Variants in FSTL1 observed in about 807,000 individuals in gnomAD.
The protein encoded by FSTL1 is follistatin like 1.
In FSTL1, 24 loss-of-function variants were observed where a neutral mutation model predicts 45.9. That is an observed-to-expected ratio of 0.52 (90% CI 0.38 to 0.74). The LOEUF is 0.74. FSTL1 is among the 30% of genes least tolerant of loss of function. FSTL1 has a pLI of 0.00. For synonymous variants in FSTL1, 120 were observed against 137.6 expected (o/e 0.87, Z 0.89); for missense variants, 340 against 381.8 (o/e 0.89, Z 0.91).
intron 2 of FSTL1, among the ~76,000 whole-genome samples, chr3:120,446,948 C>T (rs1257899955): frequency 6.6e-6 from 1 of 152,182 alleles, no homozygotes; most frequent in East Asian, 1.9e-4. Flanking sequence ...AACTACAAAT[C>T]AGTTAACTGT....
At chr3:120,448,360 A>G (rs1937805480) in intron 2 of FSTL1, among the ~76,000 whole-genome samples, 1 of 152,234 alleles carries the variant, frequency 6.6e-6, no homozygotes. Flanking sequence ...AGCAAGCACC[A>G]TTAACTACAA....
chr3:120,427,188 G>A (rs1001660394), intron 2 of FSTL1, among the ~76,000 whole-genome samples: 1 of 152,166 alleles, frequency 6.6e-6, no homozygotes, highest in Non-Finnish European at 1.5e-5. Flanking sequence ...GTCCTTCAAG[G>A]CTTGGGTCAA....
At chr3:120,399,703 CT>C (rs1221560249) in intron 10 of FSTL1, among the ~76,000 whole-genome samples, 179 bp downstream of exon 10, 42 of 152,302 alleles carry the variant, frequency 2.8e-4, no homozygotes, top group African/African-American at 9.9e-4. Flanking sequence ...CCTGTGAGGA[CT>C]TTATCAGGGA....
intron 2 of FSTL1, among the ~76,000 whole-genome samples, chr3:120,429,799 C>G (rs886515416): frequency 6.6e-6 from 1 of 152,200 alleles, no homozygotes; most frequent in Non-Finnish European, 1.5e-5. Flanking sequence ...ATCTTTGCTT[C>G]TAAGTCTTGA....
chr3:120,442,309 A>G (rs896126455), intron 2 of FSTL1, among the ~76,000 whole-genome samples: 1 of 152,194 alleles, frequency 6.6e-6, no homozygotes, highest in Non-Finnish European at 1.5e-5. Context: ...CCAGAATTCA[A>G]ACTCAGTCCA....
intron 7 of FSTL1, among the ~76,000 whole-genome samples, chr3:120,404,056 A>G (rs1936899104): frequency 6.6e-6 from 1 of 151,988 alleles, no homozygotes; most frequent in Non-Finnish European, 1.5e-5. Flanking sequence ...CCCTGGCTCA[A>G]TCACTTACTA....
In FSTL1 at chr3:120,399,867, G is replaced by A. The variant is rs542815805; in HGVS notation, c.882+16C>T. 6 of 1,567,262 alleles carry A rather than the reference G, an allele frequency of 3.8e-6. No individual in the cohort carries two copies. Among genetic ancestry groups the A allele is most frequent in the South Asian group, 3.4e-5 (3 of 87,128 alleles). On this transcript the variant is annotated intron_variant, in intron 10 of 10. Coordinates refer to ENST00000295633, the MANE Select transcript of FSTL1 (RefSeq NM_007085.5). ...GCAACAGCAACACCTGAACCAGCAC[G>A]GAGGCTGCCACTCACCTGATGCTTT...
chr3:120,447,539 G>T (rs773993421), intron 2 of FSTL1, among the ~76,000 whole-genome samples: 4 of 152,226 alleles, frequency 2.6e-5, no homozygotes, highest in African/African-American at 4.8e-5. Flanking sequence ...AGTAGTAAGA[G>T]AGTGAGCAGG....
chr3:120,444,798 A>G (rs1360088831), intron 2 of FSTL1, among the ~76,000 whole-genome samples: 1 of 149,904 alleles, frequency 6.7e-6, no homozygotes, highest in Non-Finnish European at 1.5e-5. Flanking sequence ...TGTTTGTTGT[A>G]CTTTTCTATA....
At chr3:120,430,706 T>C (rs1937460458) in intron 2 of FSTL1, among the ~76,000 whole-genome samples, 1 of 152,180 alleles carries the variant, frequency 6.6e-6, no homozygotes, top group South Asian at 2.1e-4. Context: ...ATAAGTAATA[T>C]ACAGGACAAT....
chr3:120,436,277 A>T (rs1937557730), intron 2 of FSTL1, among the ~76,000 whole-genome samples: 1 of 152,210 alleles, frequency 6.6e-6, no homozygotes, highest in Non-Finnish European at 1.5e-5. Flanking sequence ...ATTAAGAAAT[A>T]AGTCTGCAGT....
intron 3 of FSTL1, among the ~76,000 whole-genome samples, chr3:120,414,013 C>A (rs1937131501): frequency 6.6e-6 from 1 of 151,972 alleles, no homozygotes; most frequent in South Asian, 2.1e-4. Context: ...CAGCCCCTAA[C>A]CGCAAGTGAT....
At chr3:120,436,737 A>C (rs2107669188) in intron 2 of FSTL1, among the ~76,000 whole-genome samples, 1 of 152,348 alleles carries the variant, frequency 6.6e-6, no homozygotes, top group East Asian at 1.9e-4. Flanking sequence ...TCTAGGGAGA[A>C]GCCAGGTGAA....
chr3:120,445,293 G>A (rs1937713575), intron 2 of FSTL1, among the ~76,000 whole-genome samples: 1 of 149,792 alleles, frequency 6.7e-6, no homozygotes, highest in South Asian at 2.1e-4. Flanking sequence ...CATCCAAATA[G>A]TAAGTCTCAT....
chr3:120,442,011 G>A (rs1004514586), intron 2 of FSTL1, among the ~76,000 whole-genome samples: 2 of 152,204 alleles, frequency 1.3e-5, no homozygotes, highest in African/African-American at 2.4e-5. Context: ...GTAACAACCT[G>A]AGCCAGCACA....
At chr3:120,410,166 C>A (rs1035888801) in intron 5 of FSTL1, 1 of 160,044 alleles carries the variant, frequency 6.2e-6, no homozygotes, top group Non-Finnish European at 1.4e-5. Flanking sequence ...TTATGAACAA[C>A]AGAATGTGAA....
chr3:120,438,870 T>C (rs945443052), intron 2 of FSTL1, among the ~76,000 whole-genome samples: 10 of 152,324 alleles, frequency 6.6e-5, no homozygotes, highest in African/African-American at 2.4e-4. Flanking sequence ...TCAGCACTGC[T>C]GCTATCTTCA....
At chr3:120,397,053 T>C (rs1936716662) in intron 10 of FSTL1, 57 bp from the exon 11 acceptor site, 2 of 1,335,020 alleles carry the variant, frequency 1.5e-6, no homozygotes, top group Non-Finnish European at 2.2e-6. Flanking sequence ...TGTTGGAATT[T>C]ATCTGTTCCT....
chr3:120,416,814 C>T (rs1430614700), intron 2 of FSTL1, among the ~76,000 whole-genome samples: 3 of 152,170 alleles, frequency 2.0e-5, no homozygotes, highest in Non-Finnish European at 4.4e-5. Flanking sequence ...GTCAGGCATT[C>T]CCCTGTTCAG....
Sources: allele counts gnomAD v4.1 joint callset (sites outside exome capture counted in the v4.1 genomes callset), GRCh38; gene constraint gnomAD v4.1.1; transcripts MANE v1.5; gene names NCBI Gene and HGNC (gene_info 2026-07-23, HGNC 2026-07-21).